The following PDK1 variants were observed in gnomAD, a reference collection of about 807,000 sequenced individuals.
The protein encoded by PDK1 is [Pyruvate dehydrogenase (acetyl-transferring)] kinase isozyme 1, mitochondrial.
In PDK1, 39 loss-of-function variants were observed where a neutral mutation model predicts 54.2. The ratio of observed to expected loss-of-function variants is 0.72; its 90% CI spans 0.56 to 0.94. The LOEUF (loss-of-function observed/expected upper bound fraction) is 0.94, where lower values mean the gene tolerates loss of function less well. Ranked by LOEUF, PDK1 falls within the 40% of genes least tolerant of loss-of-function variation. The pLI, the probability that PDK1 is intolerant of heterozygous loss-of-function variation, is 0.00. For missense variants in PDK1, 552 were observed against 566.0 expected, an observed-to-expected ratio of 0.98 and a Z score of 0.25; for synonymous variants, 221 against 207.1, an observed-to-expected ratio of 1.07 and a Z score of -0.58.
At chr2:172,714,622 CAATA>C in the PDK1 span, among the ~76,000 whole-genome samples, 1 of 62,496 alleles carries the variant, frequency 1.6e-5, no homozygotes, top group Non-Finnish European at 4.0e-5. Flanking sequence ...ATTTGATAAT[CAATA>C]AAGATAACAA....
At chr2:172,673,761 A>G in the PDK1 span, among the ~76,000 whole-genome samples, 1 of 152,198 alleles carries the variant, frequency 6.6e-6, no homozygotes, top group African/African-American at 2.4e-5. Flanking sequence ...AAAGATAGTA[A>G]AGGTGTCTGA....
chr2:172,610,321 C>A (rs1691421803), downstream of PDK1, among the ~76,000 whole-genome samples: 1 of 152,076 alleles, frequency 6.6e-6, no homozygotes, highest in Admixed American at 6.6e-5. Context: ...AAATAGGTAT[C>A]CAGTATGTTT....
chr2:172,720,588 A>G, the PDK1 span, among the ~76,000 whole-genome samples: 1 of 152,150 alleles, frequency 6.6e-6, no homozygotes, highest in Non-Finnish European at 1.5e-5. Context: ...AAGGCAGCCA[A>G]ACTGCCTTGC....
At chr2:172,556,438 C>T in intron 1 of PDK1, 92 bp downstream of exon 1, 2 of 947,492 alleles carry the variant, frequency 2.1e-6, no homozygotes, top group Non-Finnish European at 2.9e-6. Context: ...CCGGCCAGCT[C>T]TCGCCTGAGG....
At chr2:172,660,247 CTTTTTTTTTT>C in the PDK1 span, among the ~76,000 whole-genome samples, 1 of 44,232 alleles carries the variant, frequency 2.3e-5, no homozygotes, top group East Asian at 5.4e-4. Flanking sequence ...CTCTCTCTCT[CTTTTTTTTTT>C]TTTTTTTTTT....
chr2:172,557,610 C>CATGTGTGT (rs137961827), intron 1 of PDK1, among the ~76,000 whole-genome samples: 1 of 141,936 alleles, frequency 7.0e-6, no homozygotes, highest in Non-Finnish European at 1.5e-5. Context: ...TCTTTTTTCC[C>CATGTGTGT]GTGTGTGTGT....
At position 172,607,432 on chromosome 2, in the gene PDK1, G is replaced by A. The variant is rs1691333038; in HGVS notation, c.*11463G>A. 1 of 152,206 alleles carries A rather than the reference G, an allele frequency of 6.6e-6. No homozygotes were observed. Among genetic ancestry groups the A allele is most frequent in the Non-Finnish European group, 1.5e-5 (1 of 68,038 alleles). 9.4% of individuals were successfully genotyped at this position (152,206 alleles called of 1,614,324 possible). On this transcript the variant is annotated 3_prime_UTR_variant, in exon 11 of 11. Coordinates refer to ENST00000282077, the MANE Select transcript of PDK1 (RefSeq NM_002610.5). ...CTAAGATGTAGTTTGAACCAGCCAA[G>A]GATGATGGCTTCAACATGTCTCCAG...
intron 8 of PDK1, among the ~76,000 whole-genome samples, chr2:172,578,939 T>C (rs1466898306): frequency 6.6e-6 from 1 of 152,152 alleles, no homozygotes; most frequent in Non-Finnish European, 1.5e-5. Flanking sequence ...TCTTCAACAC[T>C]CAGCCAGGCA....
At chr2:172,615,440 C>T in the PDK1 span, among the ~76,000 whole-genome samples, 5 of 152,048 alleles carry the variant, frequency 3.3e-5, no homozygotes, top group Non-Finnish European at 7.4e-5. Context: ...CCTGACCAAC[C>T]TGGAGAAACC....
the PDK1 span, among the ~76,000 whole-genome samples, chr2:172,685,734 C>G: frequency 6.6e-6 from 1 of 152,158 alleles, no homozygotes; most frequent in Non-Finnish European, 1.5e-5. Context: ...CATGATAAAT[C>G]AGCACTTTGG....
the PDK1 span, among the ~76,000 whole-genome samples, chr2:172,703,412 G>A: frequency 5.9e-5 from 9 of 152,096 alleles, no homozygotes; most frequent in Non-Finnish European, 2.9e-5. Context: ...TACCTAGATT[G>A]TTTCCATCAA....
chr2:172,652,925 C>A, the PDK1 span, among the ~76,000 whole-genome samples: 1 of 152,174 alleles, frequency 6.6e-6, no homozygotes, highest in Non-Finnish European at 1.5e-5. Context: ...AATGGCATCC[C>A]CATCAAGCTA....
At chr2:172,626,797 C>G in the PDK1 span, among the ~76,000 whole-genome samples, 2 of 151,934 alleles carry the variant, frequency 1.3e-5, no homozygotes, top group Admixed American at 6.6e-5. Flanking sequence ...GTCACACCTT[C>G]TTTTGGGATA....
chr2:172,666,823 G>T, the PDK1 span, among the ~76,000 whole-genome samples: 1 of 152,136 alleles, frequency 6.6e-6, no homozygotes, highest in Non-Finnish European at 1.5e-5. Flanking sequence ...CAAAGAACAA[G>T]AGAGCTGAAC....
chr2:172,699,478 C>CT, the PDK1 span, among the ~76,000 whole-genome samples: 4,815 of 130,226 alleles, frequency 0.037, 133 homozygotes, highest in South Asian at 0.084. Flanking sequence ...CCTCATCTGA[C>CT]TTTTTTTTTT....
chr2:172,668,380 CA>C, the PDK1 span, among the ~76,000 whole-genome samples: 1 of 150,750 alleles, frequency 6.6e-6, no homozygotes, highest in African/African-American at 2.4e-5. Flanking sequence ...CTTCCTAGAA[CA>C]AAAAACCCCC....
At chr2:172,593,120 T>C (rs1419174451) in intron 10 of PDK1, 72 bp downstream of exon 10, 1 of 808,218 alleles carries the variant, frequency 1.2e-6, no homozygotes, top group Non-Finnish European at 2.1e-6. Context: ...TTAACTGTAA[T>C]GAAATTTAAC....
the PDK1 span, among the ~76,000 whole-genome samples, chr2:172,641,766 G>GTTTTT: frequency 6.6e-6 from 1 of 152,044 alleles, no homozygotes; most frequent in Non-Finnish European, 1.5e-5. Context: ...TTTATGGCCA[G>GTTTTT]TTTTTATACA....
intron 5 of PDK1, among the ~76,000 whole-genome samples, chr2:172,565,797 C>T (rs138272850): frequency 6.6e-6 from 1 of 152,130 alleles, no homozygotes; most frequent in South Asian, 2.1e-4. Flanking sequence ...ATGTTTTTTT[C>T]TACAAGTTTA....
Sources: gnomAD v4.1 joint callset for allele counts (sites outside exome capture counted in the v4.1 genomes callset) on GRCh38, gnomAD v4.1.1 for gene constraint, MANE v1.5 for transcripts, NCBI Gene and HGNC (gene_info 2026-07-23, HGNC 2026-07-21) for gene names.